Variants in NUP54 observed in about 807,000 individuals in gnomAD.
NUP54 encodes the protein nucleoporin p54.
Under a neutral mutation model 66.4 loss-of-function variants are expected in NUP54, and 27 were observed. That is an observed-to-expected ratio of 0.41 (90% CI 0.30 to 0.56). NUP54 has a LOEUF of 0.56. NUP54 is among the 20% of genes least tolerant of loss of function. The probability of loss-of-function intolerance (pLI) is 0.34; values close to 1 mark genes in which losing one functional copy is unlikely to be tolerated. For missense variants in NUP54, 486 were observed against 596.3 expected (o/e 0.82, Z 1.93); for synonymous variants, 206 against 210.7 (o/e 0.98, Z 0.19).
chr4:76,139,827 T>C (rs1731188476), intron 3 of NUP54, among the ~76,000 whole-genome samples: 1 of 152,236 alleles, frequency 6.6e-6, no homozygotes. Flanking sequence ...GTTCTGACTT[T>C]TGATGACTCC....
chr4:76,123,077 A>G (rs1273672031), intron 9 of NUP54, among the ~76,000 whole-genome samples: 1 of 152,224 alleles, frequency 6.6e-6, no homozygotes, highest in African/African-American at 2.4e-5. Context: ...GTGACTGACA[A>G]TGGGTACGGG....
intron 11 of NUP54, among the ~76,000 whole-genome samples, 196 bp from the exon 12 acceptor site, chr4:76,115,690 C>T (rs981511457): frequency 6.6e-6 from 1 of 152,040 alleles, no homozygotes; most frequent in Non-Finnish European, 1.5e-5. Flanking sequence ...CTCTAAAGAA[C>T]AATAAAATCA....
intron 3 of NUP54, among the ~76,000 whole-genome samples, chr4:76,137,213 T>C (rs112642083): frequency 9.2e-5 from 14 of 152,246 alleles, no homozygotes; most frequent in African/African-American, 3.4e-4. Context: ...CCCATGCTGG[T>C]CTCAAAACTT....
intron 8 of NUP54, among the ~76,000 whole-genome samples, chr4:76,125,798 AGG>A (rs1456265095): frequency 2.1e-5 from 1 of 46,634 alleles, no homozygotes; most frequent in African/African-American, 9.9e-5. Flanking sequence ...AGAGAGGGAG[AGG>A]GAGAGAGAGG....
At chr4:76,140,151 C>T (rs537155206) in intron 3 of NUP54, among the ~76,000 whole-genome samples, 4 of 151,530 alleles carry the variant, frequency 2.6e-5, no homozygotes, top group South Asian at 2.1e-4. Context: ...ACAGCACATG[C>T]GCCCTGAAAA....
chr4:76,148,145 G>A, intron 1 of NUP54, 163 bp downstream of exon 1: 1 of 502,716 alleles, frequency 2.0e-6, no homozygotes, highest in East Asian at 3.5e-5. Context: ...CTCCTCGGGT[G>A]CCGCCTCGGC....
At chr4:76,140,541 G>A (rs1034842830) in intron 3 of NUP54, among the ~76,000 whole-genome samples, 1 of 152,112 alleles carries the variant, frequency 6.6e-6, no homozygotes, top group Non-Finnish European at 1.5e-5. Flanking sequence ...GCCTCCCAAA[G>A]TGCTGGGATT....
chr4:76,126,688 G>A (rs533604922), intron 8 of NUP54, among the ~76,000 whole-genome samples: 7 of 150,200 alleles, frequency 4.7e-5, no homozygotes, highest in African/African-American at 9.7e-5. Context: ...AAGAAAGAAC[G>A]CATGAGATTT....
intron 10 of NUP54, 86 bp downstream of exon 10, chr4:76,117,988 CA>C: frequency 7.2e-7 from 1 of 1,386,190 alleles, no homozygotes; most frequent in South Asian, 1.3e-5. Flanking sequence ...CACAAGTATA[CA>C]AAATTCCTGC....
At chr4:76,137,130 C>T (rs976979768) in intron 3 of NUP54, among the ~76,000 whole-genome samples, 3 of 152,120 alleles carry the variant, frequency 2.0e-5, no homozygotes, top group Non-Finnish European at 4.4e-5. Context: ...GCTGGGACTA[C>T]AGGAGTGCAC....
At position 76,115,510 on chromosome 4, in the gene NUP54, AAAC is replaced by A. The variant is rs1729913575; in HGVS notation, c.1396-19_1396-17del. 6.3e-7 allele frequency: 1 copy of A among 1,581,904 alleles called. No homozygotes were observed. Among genetic ancestry groups the A allele is most frequent in the Non-Finnish European group, 8.6e-7 (1 of 1,167,772 alleles). On this transcript the variant is annotated splice_polypyrimidine_tract_variant and intron_variant, in intron 11 of 11. Coordinates refer to ENST00000264883, the MANE Select transcript of NUP54 (RefSeq NM_017426.4). The stretch of plus-strand genomic sequence containing the variant: ...GTTTCAAATGCTAGAACAAATTAAG[AAAC>A]AACATATTAATGTATTAATTTCTTA...
chr4:76,147,984 G>A (rs960248161), intron 1 of NUP54: 3 of 348,398 alleles, frequency 8.6e-6, no homozygotes, highest in Non-Finnish European at 1.0e-5. Context: ...AGAGGGGAGG[G>A]AGGTTCTCGG....
chr4:76,126,332 T>A (rs1730537239), intron 8 of NUP54, among the ~76,000 whole-genome samples: 1 of 152,238 alleles, frequency 6.6e-6, no homozygotes, highest in Admixed American at 6.5e-5. Flanking sequence ...TTAATCATTC[T>A]ATGCCACTGG....
chr4:76,146,635 G>GT (rs1731511566), intron 1 of NUP54, among the ~76,000 whole-genome samples: 1 of 152,146 alleles, frequency 6.6e-6, no homozygotes, highest in African/African-American at 2.4e-5. Flanking sequence ...GAGGCATAAC[G>GT]TAAGAGACTA....
chr4:76,140,926 A>T (rs546817125), intron 3 of NUP54, among the ~76,000 whole-genome samples: 50 of 152,336 alleles, frequency 3.3e-4, no homozygotes, highest in Non-Finnish European at 5.0e-4. Flanking sequence ...CATGGAATCT[A>T]AGCTAGTTAG....
chr4:76,132,465 G>C, intron 6 of NUP54, 58 bp downstream of exon 6: 1 of 1,301,996 alleles, frequency 7.7e-7, no homozygotes, highest in Non-Finnish European at 1.0e-6. Flanking sequence ...TGAAATACGG[G>C]GAGTGTTTAG....
rs373362204 is a variant in NUP54, at chr4:76,124,773, T to TGGG, written c.1057-20_1057-18dup. ...AGATATGATCTGTTTAAAAAAAAAT[T>TGGG]GGGGGGGGGAGGGTTAATCAAATAT... On this transcript the variant is annotated splice_polypyrimidine_tract_variant and intron_variant, in intron 8 of 11. Transcript: ENST00000264883. 7 of 438,322 alleles carry TGGG rather than the reference T, an allele frequency of 1.6e-5. No individual in the cohort carries two copies. The highest frequency in any genetic ancestry group is 2.6e-5 in the African/African-American group (1 of 38,406). 27.2% of individuals were successfully genotyped at this position (438,322 alleles called of 1,614,324 possible). A position where few individuals can be genotyped will look rare whatever the true frequency, so the allele number is the denominator to read the frequency against.
intron 1 of NUP54, among the ~76,000 whole-genome samples, chr4:76,147,129 ATGAC>A (rs1177969307): frequency 2.6e-5 from 4 of 152,216 alleles, no homozygotes; most frequent in African/African-American, 9.7e-5. Flanking sequence ...AAAATGAAAA[ATGAC>A]TGCAGGAGTC....
chr4:76,130,559 TTAAGA>T (rs1730757961), intron 8 of NUP54, 92 bp downstream of exon 8: 1 of 788,472 alleles, frequency 1.3e-6, no homozygotes, highest in Non-Finnish European at 2.1e-6. Flanking sequence ...TGTTTCCTGA[TTAAGA>T]TAAAACAGTA....
Sources: gnomAD v4.1 joint callset for allele counts (sites outside exome capture counted in the v4.1 genomes callset) on GRCh38, gnomAD v4.1.1 for gene constraint, MANE v1.5 for transcripts, NCBI Gene and HGNC (gene_info 2026-07-23, HGNC 2026-07-21) for gene names.